Variants in CBLC observed in about 807,000 individuals in gnomAD.
The protein encoded by CBLC is Cbl proto-oncogene C.
CBLC carries 46 observed loss-of-function variants against 58.6 expected under a neutral mutation model. The ratio of observed to expected loss-of-function variants is 0.79; its 90% CI spans 0.62 to 1.00. The LOEUF (loss-of-function observed/expected upper bound fraction) is 1.00, where lower values mean the gene tolerates loss of function less well. CBLC is among the 50% of genes least tolerant of loss of function. The pLI, the probability that CBLC is intolerant of heterozygous loss-of-function variation, is 0.00. For missense variants in CBLC, 655 were observed against 625.8 expected, an observed-to-expected ratio of 1.05 and a Z score of -0.50; for synonymous variants, 271 against 264.2, an observed-to-expected ratio of 1.03 and a Z score of -0.25.
chr19:44,779,677 A>G (rs1967669692), intron 1 of CBLC, among the ~76,000 whole-genome samples: 1 of 150,918 alleles, frequency 6.6e-6, no homozygotes, highest in South Asian at 2.1e-4. Flanking sequence ...TCAGCCTCCC[A>G]TGTAGCTGGG....
At chr19:44,787,629 C>T (rs1042958254) in intron 5 of CBLC, among the ~76,000 whole-genome samples, 8 of 150,514 alleles carry the variant, frequency 5.3e-5, no homozygotes, top group Non-Finnish European at 7.4e-5. Flanking sequence ...CCAGCCTGGC[C>T]GACATGGTGA....
In CBLC at chr19:44,790,067, C is replaced by G. The variant is rs775601716; in HGVS notation, c.981C>G (p.Pro327=). The change falls in exon 6 of 11, where the codon CCC becomes CCG. Residue 327 remains proline, a synonymous_variant. Transcript: ENST00000647358. ...PDLTELGQAE[P]QQRIHVSEEQ... ...TGACTGAGCTCGGCCAGGCAGAACC[C>G]CAGCAGCGCATCCACGTGTCAGAGG... The G allele has an allele frequency of 6.2e-6, 10 of 1,613,894 alleles. No individual in the cohort carries two copies. Among genetic ancestry groups the G allele is most frequent in the South Asian group, 4.4e-5 (4 of 91,078 alleles).
At position 44,790,053 on chromosome 19, in the gene CBLC, G is replaced by A. The variant is rs760486029; in HGVS notation, c.967G>A (p.Gly323Ser). Residue 323 changes from glycine to serine, a missense_variant, in exon 6 of 11, where the codon GGC becomes AGC. By Grantham distance (56) the Gly-to-Ser change is moderately conservative (BLOSUM62 0). Transcript: ENST00000647358. ...CCACAACCCAGACCTGACTGAGCTCGGCCAGGCAGAACCCCAGCAGCGCAT... is the reference window on the plus strand; with the variant it reads ...CCACAACCCAGACCTGACTGAGCTCAGCCAGGCAGAACCCCAGCAGCGCAT... ...KTHNPDLTEL[G>S]QAEPQQRIHV... The A allele has an allele frequency of 5.5e-5, 88 of 1,613,718 alleles. No individual in the cohort carries two copies. The highest frequency in any genetic ancestry group is 7.7e-5 in the South Asian group (7 of 91,066).
chr19:44,795,951 T>C (rs1020129170), intron 9 of CBLC, among the ~76,000 whole-genome samples: 2 of 152,116 alleles, frequency 1.3e-5, no homozygotes, highest in African/African-American at 4.8e-5. Context: ...CGCGGTGGCT[T>C]ATGCCTGTAA....
chr19:44,777,952 G>C lies in CBLC; in HGVS notation c.21G>C (p.Pro7=), dbSNP rs747946824. 3 of 1,598,572 alleles carry C rather than the reference G, an allele frequency of 1.9e-6. No homozygotes were observed. The highest frequency in any genetic ancestry group is 2.2e-5 in the South Asian group (2 of 90,218). Residue 7 remains proline, a synonymous_variant, in exon 1 of 11, where the codon CCG becomes CCC. Transcript: ENST00000647358. MALAVA[P]WGRQWEEARA... The stretch of plus-strand genomic sequence containing the variant: ...CTCCCATGGCTCTGGCGGTGGCCCC[G>C]TGGGGGCGACAGTGGGAAGAGGCCC...
chr19:44,798,396 C>T (rs1204067609), intron 9 of CBLC, among the ~76,000 whole-genome samples: 1 of 151,926 alleles, frequency 6.6e-6, no homozygotes, highest in Non-Finnish European at 1.5e-5. Flanking sequence ...GAGTCATATC[C>T]CCTCCCTCAC....
At chr19:44,783,509 CAAA>C (rs111548258) in intron 4 of CBLC, among the ~76,000 whole-genome samples, 1 of 124,420 alleles carries the variant, frequency 8.0e-6, no homozygotes, top group Admixed American at 8.3e-5. Context: ...AACTCCATCT[CAAA>C]AAAAAAAAAA....
rs770497669 is a variant in CBLC, at chr19:44,784,252, C to A, written c.780-12C>A. On this transcript the variant is annotated splice_polypyrimidine_tract_variant and intron_variant, in intron 4 of 10. Coordinates refer to ENST00000647358, the MANE Select transcript of CBLC (RefSeq NM_012116.4). ...CACTCCCTCACCCCATCCTACCTAC[C>A]TCTCCCTCCAGTTACATCTTCCGGC... The A allele has an allele frequency of 3.8e-6, 6 of 1,562,262 alleles. No homozygotes were observed. Among genetic ancestry groups the A allele is most frequent in the Non-Finnish European group, 5.3e-6 (6 of 1,140,142 alleles).
At chr19:44,788,437 T>C (rs1302837299) in intron 5 of CBLC, among the ~76,000 whole-genome samples, 1 of 151,476 alleles carries the variant, frequency 6.6e-6, no homozygotes, top group Admixed American at 6.6e-5. Flanking sequence ...GGCTGCATGT[T>C]TTATAAGCAC....
chr19:44,797,240 C>T (rs1302751702), intron 9 of CBLC, among the ~76,000 whole-genome samples: 2 of 152,052 alleles, frequency 1.3e-5, no homozygotes, highest in Non-Finnish European at 2.9e-5. Context: ...AAGGCACTGT[C>T]ATAACTTTTG....
rs1426068218 is a variant in CBLC, at chr19:44,778,163, G to A, written c.232G>A (p.Asp78Asn). The change falls in exon 1 of 11, where the codon GAC becomes AAC. Residue 78 changes from aspartate to asparagine, a missense_variant. Asp to Asn is a conservative substitution (Grantham distance 23). This residue lies in a region of CBLC where 280 missense variants were observed against 237.2 expected (regional missense o/e 1.18). Coordinates refer to ENST00000647358, the MANE Select transcript of CBLC (RefSeq NM_012116.4). ...GGPGGPGGSG[D>N]FLLIYLANLE... Reference sequence around the variant, plus strand: ...CCCCGGGGGTCCCGGCGGCTCTGGGGACTTTCTACTCATCTACCTGGCCAA... The same window carrying A: ...CCCCGGGGGTCCCGGCGGCTCTGGGAACTTTCTACTCATCTACCTGGCCAA... 3 of 1,563,726 alleles carry A rather than the reference G, an allele frequency of 1.9e-6. No individual in the cohort carries two copies. In the African/African-American group the frequency reaches 4.1e-5, roughly 22 times the overall value.
At chr19:44,800,295 C>CT (rs1197226676) in intron 9 of CBLC, 86 bp from the exon 10 acceptor site, 22 of 982,498 alleles carry the variant, frequency 2.2e-5, no homozygotes, top group Non-Finnish European at 3.6e-5. Context: ...ACTCCCAGGT[C>CT]TAAGACAAAG....
chr19:44,778,180 C>A lies in CBLC; in HGVS notation c.249C>A (p.Tyr83Ter). 1 of 1,538,914 alleles carries A rather than the reference C, an allele frequency of 6.5e-7. No individual in the cohort carries two copies. Among genetic ancestry groups the A allele is most frequent in the South Asian group, 1.2e-5 (1 of 83,344 alleles). Residue 83 changes from tyrosine to a stop codon, truncating the protein, a stop_gained, in exon 1 of 11, where the codon TAC becomes TAA. Transcript: ENST00000647358. LOFTEE classifies it high-confidence loss of function. ...PGGSGDFLLI[Y>*]LANLEAKSRQ... ...GCTCTGGGGACTTTCTACTCATCTACCTGGCCAATCTGGAGGCCAAGAGCA... is the reference window on the plus strand; with the variant it reads ...GCTCTGGGGACTTTCTACTCATCTAACTGGCCAATCTGGAGGCCAAGAGCA...
chr19:44,782,246 G>T, intron 3 of CBLC, 124 bp from the exon 4 acceptor site: 1 of 1,371,730 alleles, frequency 7.3e-7, no homozygotes. Flanking sequence ...TCTTGTAAAA[G>T]GGATATGCCT....
chr19:44,789,738 C>T (rs1220035990), intron 5 of CBLC, among the ~76,000 whole-genome samples: 1 of 152,092 alleles, frequency 6.6e-6, no homozygotes, highest in Non-Finnish European at 1.5e-5. Context: ...TCTATCTCAT[C>T]CTTGTTTCTG....
chr19:44,790,415 A>G (rs1186847946), intron 6 of CBLC, among the ~76,000 whole-genome samples: 1 of 152,058 alleles, frequency 6.6e-6, no homozygotes, highest in Admixed American at 6.6e-5. Context: ...AAACAACAAT[A>G]ACAAATAAAT....
intron 7 of CBLC, 64 bp downstream of exon 7, chr19:44,792,578 A>G: frequency 6.9e-7 from 1 of 1,446,688 alleles, no homozygotes; most frequent in South Asian, 1.4e-5. Context: ...AAAGCCCCAA[A>G]AGGATCTCCA....
chr19:44,780,544 C>G (rs1967693948), intron 1 of CBLC, among the ~76,000 whole-genome samples: 1 of 147,146 alleles, frequency 6.8e-6, no homozygotes, highest in Non-Finnish European at 1.5e-5. Context: ...GTGATCTCAG[C>G]TCACTGCTAC....
At chr19:44,783,835 T>C (rs1182420264) in intron 4 of CBLC, among the ~76,000 whole-genome samples, 6 of 152,182 alleles carry the variant, frequency 3.9e-5, no homozygotes, top group Non-Finnish European at 7.3e-5. Context: ...TGGTTTCTCC[T>C]CATTGTGGCA....
Sources: allele counts gnomAD v4.1 joint callset (sites outside exome capture counted in the v4.1 genomes callset), GRCh38; gene constraint gnomAD v4.1.1; regional missense constraint gnomAD v4.1.1; transcripts MANE v1.5; gene names NCBI Gene and HGNC (gene_info 2026-07-23, HGNC 2026-07-21).